The following GFPT2 variants were observed in gnomAD, a reference collection of about 807,000 sequenced individuals.
The protein encoded by GFPT2 is glutamine--fructose-6-phosphate aminotransferase [isomerizing] 2.
A neutral mutation model predicts 85.6 loss-of-function variants in GFPT2; 62 were observed. That is an observed-to-expected ratio of 0.72 (90% CI 0.59 to 0.90). The LOEUF is 0.90. Ranked by LOEUF, GFPT2 falls within the 40% of genes least tolerant of loss-of-function variation. The pLI is 0.00. For missense variants in GFPT2, 788 were observed against 893.4 expected (o/e 0.88, Z 1.50); for synonymous variants, 368 against 344.5 (o/e 1.07, Z -0.75).
At chr5:180,312,937 C>T (rs1230413630) in intron 14 of GFPT2, among the ~76,000 whole-genome samples, 3 of 151,974 alleles carry the variant, frequency 2.0e-5, no homozygotes, top group Non-Finnish European at 2.9e-5. Flanking sequence ...CCACCACACC[C>T]GACTAATTTT....
At chr5:180,350,576 G>C (rs1158722730) in intron 1 of GFPT2, among the ~76,000 whole-genome samples, 2 of 152,164 alleles carry the variant, frequency 1.3e-5, no homozygotes, top group African/African-American at 2.4e-5. Context: ...GAGTCCCCCA[G>C]GGCCTGGAAA....
chr5:180,347,313 G>A (rs1011961246), intron 1 of GFPT2, among the ~76,000 whole-genome samples: 3 of 152,242 alleles, frequency 2.0e-5, no homozygotes, highest in Non-Finnish European at 4.4e-5. Context: ...GAGAGCCCAG[G>A]TGGCTTGGAG....
At position 180,313,705 on chromosome 5, in the gene GFPT2, G is replaced by A. The variant is rs146895340; in HGVS notation, c.1431+102C>T. 7,080 of 981,136 alleles carry A rather than the reference G, an allele frequency of 7.2e-3. 205 individuals carry two copies. The highest frequency in any genetic ancestry group is 0.066 in the East Asian group (2,168 of 32,710). 60.8% of individuals were successfully genotyped at this position (981,136 alleles called of 1,614,324 possible). ...GAAGGGGTGAGGCGGGAAGGGGAAA[G>A]AAAGGCGGTGGCGCGGGCAGAGCAG... On this transcript the variant is annotated intron_variant, in intron 14 of 18. Coordinates refer to ENST00000253778, the MANE Select transcript of GFPT2 (RefSeq NM_005110.4).
At chr5:180,351,640 C>T (rs1314332153) in intron 1 of GFPT2, among the ~76,000 whole-genome samples, 3 of 152,212 alleles carry the variant, frequency 2.0e-5, no homozygotes, top group Non-Finnish European at 2.9e-5. Context: ...CCCCAAAGCT[C>T]AACCTTTCCC....
chr5:180,301,643 A>C lies in GFPT2; in HGVS notation c.2005-35T>G, dbSNP rs181393042. The C allele has an allele frequency of 1.7e-3, 2,674 of 1,572,648 alleles. 56 individuals carry two copies. The South Asian group carries it at 0.028, about 16-fold the overall frequency. ...AAGAAAGTGACTGTTCAGGACCCCA[A>C]AGATCTCAGCAACATGCTACCTCTC... is the stretch of plus-strand genomic sequence containing the variant. On this transcript the variant is annotated intron_variant, in intron 18 of 18. Transcript: ENST00000253778.
intron 14 of GFPT2, among the ~76,000 whole-genome samples, chr5:180,313,323 G>A (rs1287151452): frequency 6.6e-6 from 1 of 152,002 alleles, no homozygotes; most frequent in Non-Finnish European, 1.5e-5. Context: ...CGGGCACGGG[G>A]GCTCACGCCT....
chr5:180,306,960 A>C (rs1763793057), intron 16 of GFPT2, among the ~76,000 whole-genome samples: 1 of 152,126 alleles, frequency 6.6e-6, no homozygotes, highest in Non-Finnish European at 1.5e-5. Context: ...AGATTGGGAG[A>C]TCCCTGGGGG....
chr5:180,348,732 C>CTTTTTTTTTTTTT (rs11322913), intron 1 of GFPT2, among the ~76,000 whole-genome samples: 7 of 139,806 alleles, frequency 5.0e-5, no homozygotes, highest in Non-Finnish European at 1.1e-4. Context: ...CATTTCTTTT[C>CTTTTTTTTTTTTT]TTTTTTTTTT....
intron 16 of GFPT2, 145 bp from the exon 17 acceptor site, chr5:180,305,084 C>T (rs746950720): frequency 2.4e-5 from 16 of 662,274 alleles, no homozygotes; most frequent in Non-Finnish European, 4.0e-5. Flanking sequence ...GCCTGGAGTG[C>T]TTGACAGCAC....
At chr5:180,316,175 G>A (rs538233506) in intron 13 of GFPT2, among the ~76,000 whole-genome samples, 166 bp downstream of exon 13, 7 of 152,202 alleles carry the variant, frequency 4.6e-5, no homozygotes, top group African/African-American at 1.4e-4. Context: ...TGCCCTCCCC[G>A]TACAATGGCG....
intron 1 of GFPT2, chr5:180,352,353 A>AG (rs1581394165): frequency 2.4e-6 from 1 of 421,488 alleles, no homozygotes; most frequent in East Asian, 7.1e-5. Context: ...AAAAAAAAAA[A>AG]AAAAAAGAGC....
rs1371863032 is a variant in GFPT2 at position 180,328,746 on chromosome 5, G to A, written c.535-408C>T. On this transcript the variant is annotated intron_variant, in intron 6 of 18. Coordinates refer to ENST00000253778, the MANE Select transcript of GFPT2 (RefSeq NM_005110.4). This position sits in a 1 kb window ranked among gnomAD's most constrained non-coding sequence, Gnocchi z 5.4. ...TAGCTCAACACACGGTAGGGCCTGG[G>A]TTCAAATCCTGGCTCCACCCCTGCA... Among the ~76,000 whole-genome samples, 1 of 152,206 alleles carries A rather than the reference G, an allele frequency of 6.6e-6. No individual in the cohort carries two copies.
intron 7 of GFPT2, among the ~76,000 whole-genome samples, chr5:180,327,243 C>T (rs534619490): frequency 6.6e-6 from 1 of 152,294 alleles, no homozygotes; most frequent in Admixed American, 6.5e-5. Flanking sequence ...TCCGCCTCTC[C>T]ACTCCCCACA....
Position 180,328,269 on chromosome 5 carries a change from T to A in GFPT2, c.596+8A>T. On this transcript the variant is annotated splice_region_variant and intron_variant, in intron 7 of 18. Coordinates refer to ENST00000253778, the MANE Select transcript of GFPT2 (RefSeq NM_005110.4). The surrounding 1 kb of genome is among the most constrained non-coding windows in gnomAD (Gnocchi z 5.4). ...TCTTATGGGAAATGCCAGTGTGTTT[T>A]GCCTCACCGTGTGGCAACGGCTTCT... 1 of 1,598,874 alleles carries A rather than the reference T, an allele frequency of 6.3e-7. No individual in the cohort carries two copies. The highest frequency in any genetic ancestry group is 2.2e-5 in the East Asian group (1 of 44,814).
In GFPT2 at chr5:180,328,419, T is replaced by C. The variant is rs1414667485; in HGVS notation, c.535-81A>G. ...TGGCCACAGCCCAGGTGCGTCTCCCTGGGCCCCTCCTGATGGCGGGAGGTC... is the reference window on the plus strand; with the variant it reads ...TGGCCACAGCCCAGGTGCGTCTCCCCGGGCCCCTCCTGATGGCGGGAGGTC... On this transcript the variant is annotated intron_variant, in intron 6 of 18. Transcript: ENST00000253778. The surrounding 1 kb of genome is among the most constrained non-coding windows in gnomAD (Gnocchi z 5.4). 8.9e-7 allele frequency: 1 copy of C among 1,120,002 alleles called. No individual in the cohort carries two copies. The highest frequency in any genetic ancestry group is 2.3e-5 in the East Asian group (1 of 42,560). 69.4% of individuals were successfully genotyped at this position (1,120,002 alleles called of 1,614,324 possible).
intron 1 of GFPT2, among the ~76,000 whole-genome samples, chr5:180,343,960 T>C (rs1764563903): frequency 6.6e-6 from 1 of 152,218 alleles, no homozygotes; most frequent in South Asian, 2.1e-4. Flanking sequence ...CCAGCGGACT[T>C]TTTGCAGAGA....
Position 180,321,806 on chromosome 5 carries a change from C to T in GFPT2, c.794+2382G>A, listed in dbSNP as rs187966631. Among the ~76,000 whole-genome samples the T allele has an allele frequency of 1.4e-3, 216 of 151,214 alleles. 6 individuals carry two copies. In the East Asian group the frequency reaches 0.037, roughly 26 times the overall value. On this transcript the variant is annotated intron_variant, in intron 9 of 18. Transcript: ENST00000253778. ...TGTTTTGTTTTGTTTTGTTTTGAGA[C>T]GGAGTCTCGCTCTGTTGCCCAGGCT...
chr5:180,302,391 T>C lies in GFPT2; in HGVS notation c.2004+32A>G, dbSNP rs76261632. 4.9e-3 allele frequency: 7,785 copies of C among 1,577,824 alleles called. 136 individuals carry two copies. The East Asian group carries it at 0.051, about 10-fold the overall frequency. On this transcript the variant is annotated intron_variant, in intron 18 of 18. Transcript: ENST00000253778. ...AGGAACTCTGGGGTTATGTCTCTCC[T>C]CTCTGCTGTTAGGTGCAGTTTTTAG...
rs979678057 is a variant in GFPT2 at position 180,301,167 on chromosome 5, G to A, written c.*397C>T. The A allele has an allele frequency of 3.8e-5, 8 of 209,224 alleles. No individual in the cohort carries two copies. The highest frequency in any genetic ancestry group is 1.2e-4 in the African/African-American group (5 of 43,436). The allele number at this position is 209,224 out of a possible 1,614,324, so 13.0% of individuals were successfully genotyped here. ...GGATGAACAGTTTGGCCGTTACCAC[G>A]GCTACAGAAAGCCACATACTAGAAA... On this transcript the variant is annotated 3_prime_UTR_variant, in exon 19 of 19. Coordinates refer to ENST00000253778, the MANE Select transcript of GFPT2 (RefSeq NM_005110.4).
Sources: allele counts gnomAD v4.1 joint callset (sites outside exome capture counted in the v4.1 genomes callset), GRCh38; gene constraint gnomAD v4.1.1; non-coding constraint Gnocchi (gnomAD v3.1); transcripts MANE v1.5; gene names NCBI Gene and HGNC (gene_info 2026-07-23, HGNC 2026-07-21).